Variants in PIK3CB observed in about 807,000 individuals in gnomAD.
PIK3CB encodes phosphatidylinositol 4,5-bisphosphate 3-kinase catalytic subunit beta isoform.
PIK3CB carries 39 observed loss-of-function variants against 136.8 expected under a neutral mutation model. The observed-to-expected ratio is 0.29, with a 90% CI of 0.22 to 0.37. The LOEUF (loss-of-function observed/expected upper bound fraction) is 0.37. Ranked by LOEUF, PIK3CB falls within the 10% of genes least tolerant of loss-of-function variation. The pLI, the probability that PIK3CB is intolerant of heterozygous loss-of-function variation, is 1.00. For missense variants in PIK3CB, 868 were observed against 1,275.4 expected, an observed-to-expected ratio of 0.68 and a Z score of 4.87; for synonymous variants, 428 against 436.6, an observed-to-expected ratio of 0.98 and a Z score of 0.25.
At chr3:138,731,642 C>G (rs1460141484) in intron 8 of PIK3CB, among the ~76,000 whole-genome samples, 2 of 151,952 alleles carry the variant, frequency 1.3e-5, no homozygotes, top group South Asian at 2.1e-4. Flanking sequence ...ACAGGATTAC[C>G]ACTAAAATAG....
In PIK3CB at chr3:138,656,368, A is replaced by C. The variant is rs776473291; in HGVS notation, c.2943-94T>G. 1.5e-5 allele frequency: 20 copies of C among 1,328,294 alleles called. No individual in the cohort carries two copies. The highest frequency in any genetic ancestry group is 2.1e-5 in the Non-Finnish European group (20 of 964,554). The allele number at this position is 1,328,294 out of a possible 1,614,324, so 82.3% of individuals were successfully genotyped here. A position where few individuals can be genotyped will look rare whatever the true frequency, so the allele number is the denominator to read the frequency against. On this transcript the variant is annotated intron_variant, in intron 22 of 23. Coordinates refer to ENST00000674063, the MANE Select transcript of PIK3CB (RefSeq NM_006219.3). ...TTAAGAAAACACAGCTAGACTTTCT[A>C]TTAGAATAAGAAAATTCCTACTGAA... is the stretch of plus-strand genomic sequence containing the variant.
At chr3:138,793,387 C>T (rs375850125) in intron 2 of PIK3CB, among the ~76,000 whole-genome samples, 3 of 152,032 alleles carry the variant, frequency 2.0e-5, no homozygotes, top group Admixed American at 1.3e-4. Context: ...GGGCGGATCC[C>T]GCGAGGTGAG....
chr3:138,831,634 T>C (rs1934041194), intron 1 of PIK3CB, among the ~76,000 whole-genome samples: 1 of 132,304 alleles, frequency 7.6e-6, no homozygotes. Flanking sequence ...AATAAATAAT[T>C]TATTTATTGG....
At chr3:138,811,035 T>C (rs954215510) in intron 1 of PIK3CB, among the ~76,000 whole-genome samples, 19 of 151,580 alleles carry the variant, frequency 1.3e-4, no homozygotes, top group African/African-American at 4.4e-4. Flanking sequence ...GACACCAGCC[T>C]GGTCAACGTA....
intron 19 of PIK3CB, among the ~76,000 whole-genome samples, chr3:138,675,361 T>A (rs908338876): frequency 6.6e-5 from 10 of 152,010 alleles, no homozygotes; most frequent in South Asian, 6.3e-4. Context: ...TAATGGCGTT[T>A]AAGAAGGAGA....
chr3:138,775,203 A>G (rs1195805368), intron 2 of PIK3CB, among the ~76,000 whole-genome samples: 1 of 152,248 alleles, frequency 6.6e-6, no homozygotes, highest in Non-Finnish European at 1.5e-5. Context: ...CCAGAGAGGC[A>G]GGCTGATAAT....
chr3:138,683,071 G>A (rs957222848), intron 18 of PIK3CB, among the ~76,000 whole-genome samples: 3 of 152,100 alleles, frequency 2.0e-5, no homozygotes, highest in African/African-American at 7.2e-5. Flanking sequence ...AAATATCCTT[G>A]CCTGGGCACG....
intron 1 of PIK3CB, among the ~76,000 whole-genome samples, chr3:138,833,318 C>T (rs1934125339): frequency 1.3e-5 from 2 of 152,018 alleles, no homozygotes; most frequent in Admixed American, 6.6e-5. Context: ...CCGCCCGCCT[C>T]GGCCTCCCAA....
At chr3:138,783,967 A>T (rs146082679) in intron 2 of PIK3CB, among the ~76,000 whole-genome samples, 62 of 152,372 alleles carry the variant, frequency 4.1e-4, no homozygotes, top group African/African-American at 1.4e-3. Flanking sequence ...GGTCACCAAG[A>T]AAATGTAAAT....
intron 1 of PIK3CB, among the ~76,000 whole-genome samples, chr3:138,806,020 G>A (rs568528596): frequency 1.3e-4 from 19 of 151,754 alleles, no homozygotes; most frequent in Non-Finnish European, 2.4e-4. Flanking sequence ...GAGCCACCGC[G>A]CCCGGCCCCA....
intron 4 of PIK3CB, among the ~76,000 whole-genome samples, chr3:138,750,383 G>C (rs996217409): frequency 2.6e-5 from 4 of 152,114 alleles, no homozygotes; most frequent in Non-Finnish European, 4.4e-5. Context: ...GTTTTGGGAT[G>C]AAACTGTTCC....
chr3:138,776,055 G>A (rs1044303237), intron 2 of PIK3CB, among the ~76,000 whole-genome samples: 19 of 151,930 alleles, frequency 1.3e-4, no homozygotes, highest in African/African-American at 1.7e-4. Flanking sequence ...AAAATTAGCC[G>A]GGCGTGGTGG....
intron 1 of PIK3CB, among the ~76,000 whole-genome samples, chr3:138,818,197 G>T (rs1933416794): frequency 6.6e-6 from 1 of 152,072 alleles, no homozygotes; most frequent in Non-Finnish European, 1.5e-5. Context: ...AAATCATGGA[G>T]GTCCTGACTT....
chr3:138,662,854 G>T (rs941699202), intron 21 of PIK3CB, among the ~76,000 whole-genome samples: 2 of 152,152 alleles, frequency 1.3e-5, no homozygotes, highest in Non-Finnish European at 2.9e-5. Flanking sequence ...GCATTTCTCT[G>T]ATGGCCAGTG....
At position 138,654,804 on chromosome 3, in the gene PIK3CB, G is replaced by A. The variant is rs564515338; in HGVS notation, c.*585C>T. The A allele has an allele frequency of 1.4e-5, 3 of 212,770 alleles. No individual in the cohort carries two copies. The highest frequency in any genetic ancestry group is 1.9e-5 in the Non-Finnish European group (2 of 105,130). 13.2% of individuals were successfully genotyped at this position (212,770 alleles called of 1,614,324 possible). A position where few individuals can be genotyped will look rare whatever the true frequency, so the allele number is the denominator to read the frequency against. ...CACCAGTAGATTTTCAGCAAGTCTG[G>A]CTGGAATGATGCTATCATGGAAATA... is the stretch of plus-strand genomic sequence containing the variant. On this transcript the variant is annotated 3_prime_UTR_variant, in exon 24 of 24. Transcript: ENST00000674063.
chr3:138,703,006 CAAATT>C (rs1391457987), intron 12 of PIK3CB, among the ~76,000 whole-genome samples: 1 of 151,950 alleles, frequency 6.6e-6, no homozygotes, highest in East Asian at 1.9e-4. Context: ...ACAATGTTTA[CAAATT>C]AAATTATTAT....
intron 8 of PIK3CB, among the ~76,000 whole-genome samples, chr3:138,726,052 G>T (rs183284118): frequency 3.9e-5 from 6 of 152,318 alleles, no homozygotes; most frequent in Admixed American, 3.9e-4. Flanking sequence ...GTGAGCTACA[G>T]TTCCGATACC....
At chr3:138,830,049 T>C (rs1302793754) in intron 1 of PIK3CB, among the ~76,000 whole-genome samples, 1 of 151,922 alleles carries the variant, frequency 6.6e-6, no homozygotes, top group Non-Finnish European at 1.5e-5. Flanking sequence ...TCAGAAAGAA[T>C]ACAGGTAGAG....
intron 9 of PIK3CB, among the ~76,000 whole-genome samples, chr3:138,713,720 G>A (rs911063111): frequency 3.3e-5 from 5 of 151,948 alleles, no homozygotes. Flanking sequence ...GATAAATATA[G>A]TAACTAGATT....
Sources: gnomAD v4.1 joint callset for allele counts (sites outside exome capture counted in the v4.1 genomes callset) on GRCh38, gnomAD v4.1.1 for gene constraint, MANE v1.5 for transcripts, NCBI Gene and HGNC (gene_info 2026-07-23, HGNC 2026-07-21) for gene names.